The following OXR1 variants were observed in gnomAD, a reference collection of about 807,000 sequenced individuals.
The protein encoded by OXR1 is oxidation resistance protein 1.
A neutral mutation model predicts 104.6 loss-of-function variants in OXR1; 41 were observed. The observed-to-expected ratio is 0.39, with a 90% CI of 0.31 to 0.51. The LOEUF (loss-of-function observed/expected upper bound fraction) is 0.51, where lower values mean the gene tolerates loss of function less well. Ranked by LOEUF, OXR1 falls within the 20% of genes least tolerant of loss-of-function variation. The pLI is 0.77. For synonymous variants in OXR1, 348 were observed against 348.4 expected (o/e 1.00, Z 0.01); for missense variants, 955 against 1,031.9 (o/e 0.93, Z 1.02).
intron 3 of OXR1, among the ~76,000 whole-genome samples, chr8:106,635,647 G>T (rs1348213500): frequency 2.0e-5 from 3 of 152,108 alleles, no homozygotes; most frequent in African/African-American, 7.2e-5. Context: ...GTTTTGCCAT[G>T]TTCCCAAGGC....
At chr8:106,403,006 C>A (rs1039743207) in intron 2 of OXR1, among the ~76,000 whole-genome samples, 1 of 151,948 alleles carries the variant, frequency 6.6e-6, no homozygotes, top group African/African-American at 2.4e-5. Context: ...ATTTTTAGTA[C>A]AGACGGGGTT....
At chr8:106,749,471 G>A (rs1008984692) in intron 16 of OXR1, among the ~76,000 whole-genome samples, 2 of 152,094 alleles carry the variant, frequency 1.3e-5, no homozygotes, top group Non-Finnish European at 2.9e-5. Flanking sequence ...AGTTGTGTAA[G>A]TCTTTACAAT....
At chr8:106,306,548 A>G (rs1484386288) in intron 1 of OXR1, among the ~76,000 whole-genome samples, 1 of 152,136 alleles carries the variant, frequency 6.6e-6, no homozygotes. Context: ...AACAAGTTTT[A>G]CAAATTGTGG....
intron 3 of OXR1, among the ~76,000 whole-genome samples, chr8:106,611,622 T>C (rs373978173): frequency 6.6e-6 from 1 of 152,196 alleles, no homozygotes; most frequent in African/African-American, 2.4e-5. Flanking sequence ...TCAAAGTGTT[T>C]GTCCCACGCA....
intron 2 of OXR1, among the ~76,000 whole-genome samples, chr8:106,406,206 C>T (rs1486472514): frequency 6.6e-6 from 1 of 152,062 alleles, no homozygotes; most frequent in Non-Finnish European, 1.5e-5. Context: ...ACTCATTGAT[C>T]CCCAAAATGG....
At chr8:106,412,029 A>C (rs1384810160) in intron 2 of OXR1, among the ~76,000 whole-genome samples, 2 of 152,182 alleles carry the variant, frequency 1.3e-5, no homozygotes, top group African/African-American at 2.4e-5. Context: ...CCTACTTCAC[A>C]GGATTATTGT....
chr8:106,479,930 A>T (rs960505915), intron 2 of OXR1, among the ~76,000 whole-genome samples: 1 of 152,004 alleles, frequency 6.6e-6, no homozygotes, highest in Non-Finnish European at 1.5e-5. Flanking sequence ...TAGTTTTGGC[A>T]TATTTACAGT....
In OXR1 at chr8:106,499,014, T is replaced by C. The variant is rs1811595598; in HGVS notation, c.24-19929T>C. Among the ~76,000 whole-genome samples the C allele has an allele frequency of 3.1e-5, 2 of 64,432 alleles. 1 individual carries two copies. The highest frequency in any genetic ancestry group is 7.0e-5 in the Non-Finnish European group (2 of 28,664). 42.3% of individuals were successfully genotyped at this position (64,432 alleles called of 152,430 possible). A position where few individuals can be genotyped will look rare whatever the true frequency, so the allele number is the denominator to read the frequency against. Reference sequence around the variant, plus strand: ...CGTCTCTACTAAAAATACAAAAAATTAGCCGGGCGCGGTGGCGGGCGCCTG... The same window carrying C: ...CGTCTCTACTAAAAATACAAAAAATCAGCCGGGCGCGGTGGCGGGCGCCTG... On this transcript the variant is annotated intron_variant, in intron 2 of 16. Transcript: ENST00000517566.
At chr8:106,743,224 T>A (rs990602311) in intron 15 of OXR1, among the ~76,000 whole-genome samples, 2 of 152,108 alleles carry the variant, frequency 1.3e-5, no homozygotes, top group African/African-American at 4.8e-5. Flanking sequence ...AAAACCACAA[T>A]GAGGTACCAT....
At chr8:106,725,278 G>T (rs1653035913) in intron 11 of OXR1, among the ~76,000 whole-genome samples, 1 of 152,052 alleles carries the variant, frequency 6.6e-6, no homozygotes, top group South Asian at 2.1e-4. Context: ...TGGTTGGGAT[G>T]CAGTATTGCG....
chr8:106,466,435 T>TTACA (rs1563540630), intron 2 of OXR1, among the ~76,000 whole-genome samples: 4 of 151,814 alleles, frequency 2.6e-5, no homozygotes, highest in African/African-American at 9.7e-5. Flanking sequence ...ATTAAACTAG[T>TTACA]GTAGTTTGAT....
intron 7 of OXR1, among the ~76,000 whole-genome samples, chr8:106,701,756 A>G (rs573099477): frequency 1.1e-4 from 16 of 152,302 alleles, no homozygotes; most frequent in African/African-American, 2.9e-4. Flanking sequence ...GTTTCTCACC[A>G]TTAGTTTCTC....
At chr8:106,678,135 GT>G (rs1461055059) in intron 3 of OXR1, among the ~76,000 whole-genome samples, 3 of 152,036 alleles carry the variant, frequency 2.0e-5, no homozygotes, top group African/African-American at 7.2e-5. Flanking sequence ...TTTTAGGATA[GT>G]TTTTTAAAGC....
At chr8:106,399,450 G>A (rs1282518234) in intron 2 of OXR1, among the ~76,000 whole-genome samples, 1 of 152,102 alleles carries the variant, frequency 6.6e-6, no homozygotes, top group South Asian at 2.1e-4. Context: ...TCTGATGCTA[G>A]CTACCTCATC....
intron 3 of OXR1, among the ~76,000 whole-genome samples, chr8:106,575,879 A>G (rs1817788500): frequency 6.6e-6 from 1 of 151,984 alleles, no homozygotes; most frequent in South Asian, 2.1e-4. Context: ...TGATTTTCAA[A>G]TACGTGGCAG....
chr8:106,624,441 A>G (rs1043661633), intron 3 of OXR1, among the ~76,000 whole-genome samples: 2 of 152,200 alleles, frequency 1.3e-5, no homozygotes, highest in South Asian at 2.1e-4. Flanking sequence ...GCAGAAAAAC[A>G]AGGATCGGGA....
At chr8:106,629,347 C>T (rs1822469036) in intron 3 of OXR1, among the ~76,000 whole-genome samples, 1 of 151,970 alleles carries the variant, frequency 6.6e-6, no homozygotes, top group South Asian at 2.1e-4. Flanking sequence ...CTCCCAAATT[C>T]TCTCCTGAGA....
chr8:106,596,428 CAG>C (rs1464496918), intron 3 of OXR1, among the ~76,000 whole-genome samples: 1 of 151,402 alleles, frequency 6.6e-6, no homozygotes, highest in East Asian at 1.9e-4. Context: ...CCTGGGGACA[CAG>C]AGTCTCACTC....
At chr8:106,686,220 A>C (rs1828700198) in intron 6 of OXR1, among the ~76,000 whole-genome samples, 1 of 151,796 alleles carries the variant, frequency 6.6e-6, no homozygotes, top group South Asian at 2.1e-4. Flanking sequence ...AGAAATCACC[A>C]CTAAAGAACT....
Sources: gnomAD v4.1 joint callset for allele counts (sites outside exome capture counted in the v4.1 genomes callset) on GRCh38, gnomAD v4.1.1 for gene constraint, MANE v1.5 for transcripts, NCBI Gene and HGNC (gene_info 2026-07-23, HGNC 2026-07-21) for gene names.